VAT1L: variants seen among roughly 807,000 people sequenced by gnomAD.
VAT1L encodes the protein vesicle amine transport 1 like, also known as putative NADPH-dependent quinone oxidoreductase VAT1L.
VAT1L carries 34 observed loss-of-function variants against 44.1 expected under a neutral mutation model. That is an observed-to-expected ratio of 0.77 (90% CI 0.59 to 1.03). The LOEUF (loss-of-function observed/expected upper bound fraction) is 1.03. VAT1L is among the 50% of genes least tolerant of loss of function. The pLI is 0.00. For missense variants in VAT1L, 615 were observed against 538.8 expected (o/e 1.14, Z -1.40); for synonymous variants, 253 against 202.2 (o/e 1.25, Z -2.13).
chr16:77,975,051 A>G (rs2018321184), intron 8 of VAT1L, among the ~76,000 whole-genome samples: 1 of 152,080 alleles, frequency 6.6e-6, no homozygotes, highest in Non-Finnish European at 1.5e-5. Context: ...GGATCCAGTG[A>G]GGTCATTTTA....
chr16:77,877,403 G>A (rs899518924), intron 5 of VAT1L, among the ~76,000 whole-genome samples: 1 of 151,470 alleles, frequency 6.6e-6, no homozygotes, highest in East Asian at 1.9e-4. Flanking sequence ...CCAGCTACTC[G>A]GGAGGCTGAG....
chr16:77,957,037 A>C (rs567103425), intron 7 of VAT1L, among the ~76,000 whole-genome samples: 1 of 152,172 alleles, frequency 6.6e-6, no homozygotes, highest in South Asian at 2.1e-4. Context: ...TATTAAAGTA[A>C]TTGTGGATTT....
chr16:77,958,226 T>A (rs540169234), intron 7 of VAT1L, among the ~76,000 whole-genome samples: 1 of 152,210 alleles, frequency 6.6e-6, no homozygotes, highest in East Asian at 1.9e-4. Context: ...TATTTATATG[T>A]CCCTCCGTTT....
chr16:77,810,643 C>T, intron 1 of VAT1L, among the ~76,000 whole-genome samples: 1 of 152,044 alleles, frequency 6.6e-6, no homozygotes, highest in East Asian at 1.9e-4. Flanking sequence ...GCACTCCAGC[C>T]TGGGTGACAG....
In VAT1L at chr16:77,966,141, G is replaced by C. The variant is rs140502914; in HGVS notation, c.1078-5709G>C. Among the ~76,000 whole-genome samples the C allele has an allele frequency of 5.4e-3, 828 of 152,288 alleles. 10 individuals are homozygous for C. Among genetic ancestry groups the C allele is most frequent in the African/African-American group, 0.019 (791 of 41,544 alleles). On this transcript the variant is annotated intron_variant, in intron 7 of 8. Transcript: ENST00000302536. ...AAATATCTCAAAATTAATTTCACCA[G>C]TTTCTTTTTACATTTCTTGACGTGG...
At chr16:77,891,082 T>C (rs2017260477) in intron 7 of VAT1L, among the ~76,000 whole-genome samples, 1 of 151,952 alleles carries the variant, frequency 6.6e-6, no homozygotes, top group Non-Finnish European at 1.5e-5. Flanking sequence ...CGGCCGGGCG[T>C]GGTGGCTCAT....
At chr16:77,973,180 C>T (rs1255414432) in intron 8 of VAT1L, among the ~76,000 whole-genome samples, 2 of 152,212 alleles carry the variant, frequency 1.3e-5, no homozygotes, top group Non-Finnish European at 2.9e-5. Context: ...ATGACCTGGG[C>T]AAGTTACATG....
Position 77,948,608 on chromosome 16 carries a change from A to G in VAT1L, c.1078-23242A>G, listed in dbSNP as rs75296293. Among the ~76,000 whole-genome samples, 467 of 152,130 alleles carry G rather than the reference A, an allele frequency of 3.1e-3. 7 individuals carry two copies. Among genetic ancestry groups the G allele is most frequent in the Admixed American group, 0.022 (334 of 15,274 alleles). On this transcript the variant is annotated intron_variant, in intron 7 of 8. Transcript: ENST00000302536. ...CCTGCCCCCATACTCCTTCCCTGTTACCCGGTTTCCACAATGATTAATATT... is the reference window on the plus strand; with the variant it reads ...CCTGCCCCCATACTCCTTCCCTGTTGCCCGGTTTCCACAATGATTAATATT...
At chr16:77,949,628 CCT>C (rs2018015934) in intron 7 of VAT1L, among the ~76,000 whole-genome samples, 1 of 152,182 alleles carries the variant, frequency 6.6e-6, no homozygotes, top group Admixed American at 6.5e-5. Context: ...TAGTGCCTCA[CCT>C]CTCTGTCTTG....
At chr16:77,817,326 G>T (rs139400600) in intron 2 of VAT1L, among the ~76,000 whole-genome samples, 1 of 152,184 alleles carries the variant, frequency 6.6e-6, no homozygotes, top group East Asian at 1.9e-4. Flanking sequence ...AAAGTATTTG[G>T]CATTTGGATT....
intron 7 of VAT1L, among the ~76,000 whole-genome samples, chr16:77,908,641 C>T (rs999326885): frequency 4.3e-4 from 65 of 151,928 alleles, no homozygotes; most frequent in African/African-American, 1.5e-3. Context: ...GGAGGCCGGG[C>T]GCGGTGACTC....
At chr16:77,856,056 AGAAT>A (rs2016855483) in intron 3 of VAT1L, among the ~76,000 whole-genome samples, 1 of 152,192 alleles carries the variant, frequency 6.6e-6, no homozygotes, top group African/African-American at 2.4e-5. Context: ...CTGTAGTGAT[AGAAT>A]GAATGACTCA....
intron 7 of VAT1L, among the ~76,000 whole-genome samples, chr16:77,934,239 A>G (rs948501387): frequency 6.6e-6 from 1 of 152,152 alleles, no homozygotes; most frequent in Non-Finnish European, 1.5e-5. Context: ...GAAGAGAATC[A>G]TGAAAAACCC....
intron 3 of VAT1L, among the ~76,000 whole-genome samples, chr16:77,836,985 A>G (rs2016646385): frequency 1.3e-5 from 2 of 152,214 alleles, no homozygotes; most frequent in Admixed American, 1.3e-4. Flanking sequence ...AACAGAGGAA[A>G]CTGAGACACA....
intron 1 of VAT1L, among the ~76,000 whole-genome samples, chr16:77,816,513 TG>T (rs967567284): frequency 3.9e-5 from 6 of 152,212 alleles, no homozygotes; most frequent in African/African-American, 1.2e-4. Flanking sequence ...CTGCTTTCCA[TG>T]TGTCTGTTTA....
At chr16:77,883,694 C>G (rs1360194395) in intron 6 of VAT1L, among the ~76,000 whole-genome samples, 1 of 152,148 alleles carries the variant, frequency 6.6e-6, no homozygotes, top group African/African-American at 2.4e-5. Context: ...ACCCCCAGTT[C>G]AGAACCATTG....
chr16:77,923,888 T>C (rs1281410701), intron 7 of VAT1L, among the ~76,000 whole-genome samples: 2 of 152,144 alleles, frequency 1.3e-5, no homozygotes, highest in Non-Finnish European at 2.9e-5. Flanking sequence ...CAGGACCCAT[T>C]TGTCAAGCTG....
chr16:77,917,405 T>A (rs939207675), intron 7 of VAT1L, among the ~76,000 whole-genome samples: 2 of 152,188 alleles, frequency 1.3e-5, no homozygotes, highest in Non-Finnish European at 2.9e-5. Context: ...ACCTTTAATA[T>A]TGAAAAATAA....
intron 3 of VAT1L, among the ~76,000 whole-genome samples, chr16:77,847,781 G>A (rs111407525): frequency 6.6e-6 from 1 of 152,158 alleles, no homozygotes; most frequent in Non-Finnish European, 1.5e-5. Context: ...GTTGTGCTGT[G>A]GTTGTGAATG....
Sources: allele counts gnomAD v4.1 joint callset (sites outside exome capture counted in the v4.1 genomes callset), GRCh38; gene constraint gnomAD v4.1.1; transcripts MANE v1.5; gene names NCBI Gene and HGNC (gene_info 2026-07-23, HGNC 2026-07-21).